The following NFASC variants were observed in gnomAD, a reference collection of about 807,000 sequenced individuals.
NFASC encodes neurofascin homolog.
In NFASC, 43 loss-of-function variants were observed where a neutral mutation model predicts 147.5. The ratio of observed to expected loss-of-function variants is 0.29; its 90% CI spans 0.23 to 0.38. The LOEUF is 0.38. Ranked by LOEUF, NFASC falls within the 10% of genes least tolerant of loss-of-function variation. The pLI, the probability that NFASC is intolerant of heterozygous loss-of-function variation, is 1.00. For synonymous variants in NFASC, 622 were observed against 665.5 expected (o/e 0.93, Z 1.01); for missense variants, 1,320 against 1,689.0 (o/e 0.78, Z 3.83).
rs534190516 is a variant in NFASC, at chr1:204,945,845, T to G, written c.91+1439T>G. ...AGGCCAAGTCCCCGGAGGGAGGGTG[T>G]GCAGAGGAAATTGGGTTATCAGGGA... On this transcript the variant is annotated intron_variant, in intron 3 of 29. Transcript: ENST00000339876. 1.7e-4 allele frequency among the ~76,000 whole-genome samples: 26 copies of G among 152,302 alleles called. No individual in the cohort carries two copies. In the South Asian group the frequency reaches 4.3e-3, roughly 25 times the overall value.
chr1:204,837,602 A>G (rs1357930293), intron 1 of NFASC, among the ~76,000 whole-genome samples: 1 of 152,174 alleles, frequency 6.6e-6, no homozygotes, highest in Non-Finnish European at 1.5e-5. Flanking sequence ...CTGAGGGGAT[A>G]GTTCCTTCTG....
intron 28 of NFASC, among the ~76,000 whole-genome samples, chr1:205,011,104 G>A (rs1034964145): frequency 7.2e-5 from 11 of 152,132 alleles, no homozygotes; most frequent in African/African-American, 2.7e-4. Context: ...CTGGACCACA[G>A]AATGCAATTT....
intron 1 of NFASC, among the ~76,000 whole-genome samples, chr1:204,891,652 C>T (rs2082411287): frequency 6.6e-6 from 1 of 152,182 alleles, no homozygotes; most frequent in Admixed American, 6.5e-5. Flanking sequence ...CTGGACCACA[C>T]ACCTCTATAG....
chr1:204,830,670 A>T (rs1349721246), intron 1 of NFASC, among the ~76,000 whole-genome samples: 1 of 148,654 alleles, frequency 6.7e-6, no homozygotes, highest in Non-Finnish European at 1.5e-5. Context: ...AGAGAGAGAG[A>T]GAGAGAGAAT....
intron 1 of NFASC, among the ~76,000 whole-genome samples, chr1:204,916,356 G>A (rs6668272): frequency 0.21 from 32,423 of 152,136 alleles, 3,887 homozygotes; most frequent in East Asian, 0.43. Context: ...CCTATGACTG[G>A]TGATAAAAGC....
Position 204,947,054 on chromosome 1 carries a change from G to A in NFASC, c.91+2648G>A. 3 of 340,354 alleles carry A rather than the reference G, an allele frequency of 8.8e-6. 1 individual carries two copies. The highest frequency in any genetic ancestry group is 6.9e-5 in the South Asian group (3 of 43,546). The allele number at this position is 340,354 out of a possible 1,614,324, so 21.1% of individuals were successfully genotyped here. On this transcript the variant is annotated intron_variant, in intron 3 of 29. Coordinates refer to ENST00000339876, the MANE Select transcript of NFASC (RefSeq NM_001005388.3). ...AGCCACCCTGGAGGAAAAGAGGAGG[G>A]AAAAGGCCAAGATCCACTACCAAAA...
chr1:204,932,416 C>T (rs1456574347), intron 2 of NFASC, among the ~76,000 whole-genome samples: 1 of 152,018 alleles, frequency 6.6e-6, no homozygotes, highest in Non-Finnish European at 1.5e-5. Context: ...ATAAATATTC[C>T]TTGCCAGGGA....
intron 2 of NFASC, among the ~76,000 whole-genome samples, chr1:204,939,186 T>C (rs1384595047): frequency 6.6e-6 from 1 of 151,890 alleles, no homozygotes; most frequent in Non-Finnish European, 1.5e-5. Flanking sequence ...TTCTTTGTTG[T>C]ATTTATTTTT....
At chr1:204,984,705 T>C (rs551168635) in intron 21 of NFASC, among the ~76,000 whole-genome samples, 7 of 152,272 alleles carry the variant, frequency 4.6e-5, no homozygotes, top group Non-Finnish European at 8.8e-5. Context: ...ACCCAGTATA[T>C]GGACTATCAA....
chr1:204,968,062 G>C lies in NFASC; in HGVS notation c.707-187G>C, dbSNP rs2095057521. ...CCTAGAGCTCCTCTCTCTCATGTAG[G>C]TGGGGCTGAGGAGCCCTGGGCTTCC... is the stretch of plus-strand genomic sequence containing the variant. On this transcript the variant is annotated intron_variant, in intron 8 of 29. Transcript: ENST00000339876. The surrounding 1 kb of genome is among the most constrained non-coding windows in gnomAD (Gnocchi z 5.4). 1.8e-6 allele frequency: 1 copy of C among 567,150 alleles called. No individual in the cohort carries two copies. Among genetic ancestry groups the C allele is most frequent in the East Asian group, 3.0e-5 (1 of 33,622 alleles). 35.1% of individuals were successfully genotyped at this position (567,150 alleles called of 1,614,324 possible).
intron 1 of NFASC, among the ~76,000 whole-genome samples, chr1:204,848,161 C>T (rs1358723603): frequency 6.6e-6 from 1 of 152,250 alleles, no homozygotes; most frequent in Non-Finnish European, 1.5e-5. Context: ...GGAGCTGACA[C>T]TGCCTCTTAG....
intron 1 of NFASC, among the ~76,000 whole-genome samples, chr1:204,843,820 T>A (rs1254063082): frequency 6.6e-6 from 1 of 152,098 alleles, no homozygotes; most frequent in Non-Finnish European, 1.5e-5. Context: ...CAAGCGATTC[T>A]CCTGCCTTAG....
In NFASC at chr1:204,974,676, A is replaced by G. The variant is rs146186869; in HGVS notation, c.1411A>G (p.Ser471Gly). Reference protein sequence around the residue: ...TLRWFKNGQGSNLDGGNYHVY... With the variant: ...TLRWFKNGQGGNLDGGNYHVY... The stretch of plus-strand genomic sequence containing the variant: ...TGTGAGGTTTAAGAATGGGCAAGGA[A>G]GCAACCTGGATGGTGGCAACTACCA... Residue 471 changes from serine to glycine, a missense_variant, in exon 14 of 30, where the codon AGC becomes GGC. Physicochemically the swap from Ser to Gly is moderately conservative, Grantham distance 56 (BLOSUM62 0). Transcript: ENST00000339876. 19 of 1,614,238 alleles carry G rather than the reference A, an allele frequency of 1.2e-5. No individual in the cohort carries two copies. The highest frequency in any genetic ancestry group is 9.9e-5 in the South Asian group (9 of 91,092).
intron 27 of NFASC, among the ~76,000 whole-genome samples, chr1:205,003,284 C>T (rs894707684): frequency 2.6e-5 from 4 of 152,178 alleles, no homozygotes; most frequent in Non-Finnish European, 5.9e-5. Flanking sequence ...TTGTTTTTGT[C>T]CCAAATTTGT....
chr1:204,933,204 A>G (rs1020308704), intron 2 of NFASC, among the ~76,000 whole-genome samples: 6 of 152,250 alleles, frequency 3.9e-5, no homozygotes, highest in Admixed American at 6.5e-5. Flanking sequence ...CTGGAATAGC[A>G]GCATGGAGAA....
intron 2 of NFASC, among the ~76,000 whole-genome samples, chr1:204,933,569 A>T (rs1025947817): frequency 1.3e-5 from 2 of 152,206 alleles, no homozygotes; most frequent in Admixed American, 1.3e-4. Flanking sequence ...TGGGGCCTCA[A>T]AGTGATGTCT....
chr1:204,850,021 C>G (rs2075535171), intron 1 of NFASC, among the ~76,000 whole-genome samples: 1 of 152,204 alleles, frequency 6.6e-6, no homozygotes, highest in African/African-American at 2.4e-5. Flanking sequence ...CTGCCGTTTC[C>G]TGCAGTGGGC....
chr1:204,978,752 T>TG (rs1181124190), intron 17 of NFASC, among the ~76,000 whole-genome samples: 2 of 148,360 alleles, frequency 1.3e-5, no homozygotes, highest in Admixed American at 6.6e-5. Context: ...TGATATTCTT[T>TG]GTGGGGGGGG....
In NFASC at chr1:205,015,089, C is replaced by G. The variant is rs2096326195; in HGVS notation, c.3492-1219C>G. Among the ~76,000 whole-genome samples the G allele has an allele frequency of 6.6e-6, 1 of 152,174 alleles. No individual in the cohort carries two copies. Among genetic ancestry groups the G allele is most frequent in the African/African-American group, 2.4e-5 (1 of 41,444 alleles). ...TTCTAACACAGCCCCGGCTCTGGCT[C>G]GCTGCCCTCACCTGACAGCTGTCTT... On this transcript the variant is annotated intron_variant, in intron 29 of 29. Coordinates refer to ENST00000339876, the MANE Select transcript of NFASC (RefSeq NM_001005388.3). This position sits in a 1 kb window ranked among gnomAD's most constrained non-coding sequence, Gnocchi z 4.0.
Sources: gnomAD v4.1 joint callset for allele counts (sites outside exome capture counted in the v4.1 genomes callset) on GRCh38, gnomAD v4.1.1 for gene constraint, Gnocchi (gnomAD v3.1) non-coding constraint, MANE v1.5 for transcripts, NCBI Gene and HGNC (gene_info 2026-07-23, HGNC 2026-07-21) for gene names.